The following MAST1 variants were observed in gnomAD, a reference collection of about 807,000 sequenced individuals.
MAST1 encodes microtubule-associated serine/threonine-protein kinase 1.
A neutral mutation model predicts 124.6 loss-of-function variants in MAST1; 40 were observed. The ratio of observed to expected loss-of-function variants is 0.32; its 90% CI spans 0.25 to 0.42. The LOEUF is 0.42. Among genes scored for constraint, MAST1 ranks in the 10% least tolerant of loss-of-function variants. The probability of loss-of-function intolerance (pLI) is 1.00; values close to 1 mark genes in which losing one functional copy is unlikely to be tolerated. For missense variants in MAST1, 1,558 were observed against 2,181.9 expected (o/e 0.71, Z 5.70); for synonymous variants, 938 against 939.4 (o/e 1.00, Z 0.03).
At position 12,847,334 on chromosome 19, in the gene MAST1, G is replaced by A; in HGVS notation, c.372G>A (p.Gln124=). 1 of 1,613,920 alleles carries A rather than the reference G, an allele frequency of 6.2e-7. No homozygotes were observed. Among genetic ancestry groups the A allele is most frequent in the Non-Finnish European group, 8.5e-7 (1 of 1,179,992 alleles). Residue 124 remains glutamine, a synonymous_variant, in exon 5 of 26, where the codon CAG becomes CAA. Coordinates refer to ENST00000251472, the MANE Select transcript of MAST1 (RefSeq NM_014975.3). The surrounding 1 kb of genome is among the most constrained non-coding windows in gnomAD (Gnocchi z 5.5). The part of the protein sequence containing the change: ...SQERLHQLPY[Q]PTVDELHFLS... ...AGCGCCTTCACCAGCTGCCCTACCA[G>A]CCCACGGTGGACGAGCTCCACTTCC...
chr19:12,864,897 G>A lies in MAST1; in HGVS notation c.1455G>A (p.Leu485=). 1.2e-6 allele frequency: 2 copies of A among 1,614,114 alleles called. No individual in the cohort carries two copies. Among genetic ancestry groups the A allele is most frequent in the Non-Finnish European group, 1.7e-6 (2 of 1,180,022 alleles). The change falls in exon 13 of 26, where the codon CTG becomes CTA. Residue 485 remains leucine, a synonymous_variant. Coordinates refer to ENST00000251472, the MANE Select transcript of MAST1 (RefSeq NM_014975.3). ...RMYFAETVLA[L]EYLHNYGIVH... is the part of the protein sequence containing the mutation. ...ACTTTGCTGAGACGGTGCTAGCCCT[G>A]GAGTATTTGCACAACTATGGCATCG...
Position 12,838,808 on chromosome 19 carries a change from T to G in MAST1, c.83+153T>G, listed in dbSNP as rs1599573882. 2.7e-5 allele frequency among the ~76,000 whole-genome samples: 3 copies of G among 111,246 alleles called. No individual in the cohort carries two copies. Among genetic ancestry groups the G allele is most frequent in the East Asian group, 2.7e-4 (1 of 3,654 alleles). The allele number at this position is 111,246 out of a possible 152,430, so 73.0% of individuals were successfully genotyped here. A position where few individuals can be genotyped will look rare whatever the true frequency, so the allele number is the denominator to read the frequency against. On this transcript the variant is annotated intron_variant, in intron 1 of 25. Transcript: ENST00000251472. This position sits in a 1 kb window ranked among gnomAD's most constrained non-coding sequence, Gnocchi z 4.3. ...CCTTCCCGCCGGGGTTGGGGTTGAA[T>G]GGGGGGTGGTGTGGGCCGAGTCTGG...
chr19:12,866,211 T>A lies in MAST1; in HGVS notation c.2029+109T>A. 1 of 1,106,648 alleles carries A rather than the reference T, an allele frequency of 9.0e-7. No individual in the cohort carries two copies. The highest frequency in any genetic ancestry group is 1.5e-5 in the South Asian group (1 of 68,326). The allele number at this position is 1,106,648 out of a possible 1,614,324, so 68.6% of individuals were successfully genotyped here. ...GGCCTGGCTAAGTACCAAGATGTGA[T>A]GCCTAGGTGCGAAGGTGGTATTTTG... On this transcript the variant is annotated intron_variant, in intron 17 of 25. Coordinates refer to ENST00000251472, the MANE Select transcript of MAST1 (RefSeq NM_014975.3). This position sits in a 1 kb window ranked among gnomAD's most constrained non-coding sequence, Gnocchi z 5.2.
intron 12 of MAST1, among the ~76,000 whole-genome samples, chr19:12,863,935 T>C (rs541713007): frequency 6.0e-5 from 9 of 151,138 alleles, no homozygotes; most frequent in African/African-American, 2.2e-4. Flanking sequence ...TTTTTTTTTT[T>C]TTTTTTTGAG....
In MAST1 at chr19:12,847,210, C is replaced by T; in HGVS notation, c.328-80C>T. The T allele has an allele frequency of 1.1e-6, 1 of 914,050 alleles. No individual in the cohort carries two copies. Among genetic ancestry groups the T allele is most frequent in the East Asian group, 2.4e-5 (1 of 41,454 alleles). The allele number at this position is 914,050 out of a possible 1,614,324, so 56.6% of individuals were successfully genotyped here. A position where few individuals can be genotyped will look rare whatever the true frequency, so the allele number is the denominator to read the frequency against. ...TGGCCTTGCCCAGTGACCCCATCGGCTTTGGGAGTCCCAGCTCAGGGTCCT... is the reference window on the plus strand; with the variant it reads ...TGGCCTTGCCCAGTGACCCCATCGGTTTTGGGAGTCCCAGCTCAGGGTCCT... On this transcript the variant is annotated intron_variant, in intron 4 of 25. Transcript: ENST00000251472. The surrounding 1 kb of genome is among the most constrained non-coding windows in gnomAD (Gnocchi z 5.5).
intron 7 of MAST1, among the ~76,000 whole-genome samples, chr19:12,851,374 C>T (rs1969957757): frequency 6.6e-6 from 1 of 151,844 alleles, no homozygotes; most frequent in South Asian, 2.1e-4. Flanking sequence ...AGTAATTCTC[C>T]CACTTCAGCC....
At chr19:12,862,351 G>A (rs919651366) in intron 12 of MAST1, among the ~76,000 whole-genome samples, 2 of 152,042 alleles carry the variant, frequency 1.3e-5, no homozygotes, top group African/African-American at 2.4e-5. Flanking sequence ...GAGTGCAGTG[G>A]TGTGATCACA....
At position 12,867,920 on chromosome 19, in the gene MAST1, G is replaced by A. The variant is rs772432841; in HGVS notation, c.2509G>A (p.Ala837Thr). 6.3e-7 allele frequency: 1 copy of A among 1,598,744 alleles called. No homozygotes were observed. The highest frequency in any genetic ancestry group is 8.5e-7 in the Non-Finnish European group (1 of 1,174,016). Residue 837 changes from alanine to threonine, a missense_variant, in exon 20 of 26, where the codon GCC (alanine) becomes ACC (threonine). Physicochemically the swap from Ala to Thr is moderately conservative, Grantham distance 58. Transcript: ENST00000251472. ...SDPAGSLDARAPKEETQGEGT... is the reference protein window; with the variant it reads ...SDPAGSLDARTPKEETQGEGT... ...CCCCGCGGGATCCCTGGATGCACGG[G>A]CCCCCAAAGAGGAGACTCAAGGGGA...
chr19:12,840,841 G>A, intron 2 of MAST1, 150 bp from the exon 3 acceptor site: 3 of 768,586 alleles, frequency 3.9e-6, no homozygotes, highest in Non-Finnish European at 7.3e-6. Context: ...ACTCGGCAAC[G>A]AAAAAATTTA....
intron 12 of MAST1, among the ~76,000 whole-genome samples, chr19:12,863,910 G>A (rs982482852): frequency 4.7e-5 from 7 of 148,132 alleles, no homozygotes; most frequent in African/African-American, 5.0e-5. Context: ...AATGAAACTC[G>A]TTTCTACAAA....
In MAST1 at chr19:12,865,982, G is replaced by A; in HGVS notation, c.1909G>A (p.Gly637Ser). ...TNPLVRLGAG[G>S]AFEVKQHSFF... ...GGCTGGAATCCCTTCCGTCCCAGGCGGCGCTTTTGAGGTGAAGCAGCACAG... is the reference window on the plus strand; with the variant it reads ...GGCTGGAATCCCTTCCGTCCCAGGCAGCGCTTTTGAGGTGAAGCAGCACAG... The change falls in exon 17 of 26, where the codon GGC becomes AGC. Residue 637 changes from glycine (G) to serine (S), a missense_variant and splice_region_variant. By Grantham distance (56) the Gly-to-Ser change is moderately conservative (BLOSUM62 0). This residue lies in a region of MAST1 where 145 missense variants were observed against 350.0 expected (regional missense o/e 0.41). Transcript: ENST00000251472. This position sits in a 1 kb window ranked among gnomAD's most constrained non-coding sequence, Gnocchi z 7.1. 1.2e-6 allele frequency: 2 copies of A among 1,613,912 alleles called. No individual in the cohort carries two copies. Among genetic ancestry groups the A allele is most frequent in the Non-Finnish European group, 8.5e-7 (1 of 1,179,986 alleles).
At chr19:12,859,570 G>A (rs975943224) in intron 12 of MAST1, among the ~76,000 whole-genome samples, 4 of 151,944 alleles carry the variant, frequency 2.6e-5, no homozygotes, top group Non-Finnish European at 5.9e-5. Context: ...GGAGGCCAAG[G>A]TGGGGAGATC....
At position 12,843,138 on chromosome 19, in the gene MAST1, G is replaced by C. The variant is rs150791367; in HGVS notation, c.249-391G>C. ...CAATATTCTATGTCAGAACATGTTG[G>C]GGGGTGGGACGGGTCTTTTTTCTCT... On this transcript the variant is annotated intron_variant, in intron 3 of 25. Coordinates refer to ENST00000251472, the MANE Select transcript of MAST1 (RefSeq NM_014975.3). The surrounding 1 kb of genome is among the most constrained non-coding windows in gnomAD (Gnocchi z 4.9). Among the ~76,000 whole-genome samples the C allele has an allele frequency of 3.1e-3, 470 of 152,232 alleles. 4 individuals are homozygous for C. The highest frequency in any genetic ancestry group is 0.01 in the African/African-American group (429 of 41,532).
At chr19:12,864,327 G>C (rs944032888) in intron 12 of MAST1, among the ~76,000 whole-genome samples, 3 of 151,362 alleles carry the variant, frequency 2.0e-5, no homozygotes, top group African/African-American at 7.3e-5. Context: ...CTGGGAGGTT[G>C]AGGATGCAGT....
At chr19:12,844,238 A>G (rs988807198) in intron 4 of MAST1, among the ~76,000 whole-genome samples, 12 of 152,178 alleles carry the variant, frequency 7.9e-5, no homozygotes, top group Non-Finnish European at 1.8e-4. Context: ...GGGCCAGGCC[A>G]CAGCTTTCAC....
chr19:12,847,277 C>T lies in MAST1; in HGVS notation c.328-13C>T. On this transcript the variant is annotated splice_polypyrimidine_tract_variant and intron_variant, in intron 4 of 25. Coordinates refer to ENST00000251472, the MANE Select transcript of MAST1 (RefSeq NM_014975.3). This position sits in a 1 kb window ranked among gnomAD's most constrained non-coding sequence, Gnocchi z 5.5. ...CATGGTGGCTCTGACCCCGGCCCTG[C>T]CCCTGTCCCCAGTCCTCCTGCTCCT... is the stretch of plus-strand genomic sequence containing the variant. 1 of 1,600,086 alleles carries T rather than the reference C, an allele frequency of 6.2e-7. No individual in the cohort carries two copies. The highest frequency in any genetic ancestry group is 8.6e-7 in the Non-Finnish European group (1 of 1,169,288).
rs753766566 is a variant in MAST1 at position 12,867,951 on chromosome 19, C to A, written c.2540C>A (p.Thr847Asn). ...AAAGAGGAGACTCAAGGGGAAGGCA[C>A]CTCCAGCGCCGGGGACTCCGAGGCC... is the stretch of plus-strand genomic sequence containing the variant. ...APKEETQGEG[T>N]SSAGDSEATD... is the part of the protein sequence containing the mutation. The change falls in exon 20 of 26, where the codon ACC (threonine) becomes AAC (asparagine). Residue 847 changes from threonine (T) to asparagine (N), a missense_variant. Transcript: ENST00000251472. 2.6e-6 allele frequency: 4 copies of A among 1,564,742 alleles called. No homozygotes were observed. The African/African-American group carries it at 4.1e-5, about 16-fold the overall frequency.
In MAST1 at chr19:12,866,127, C is replaced by T. The variant is rs1970150276; in HGVS notation, c.2029+25C>T. 6.2e-7 allele frequency: 1 copy of T among 1,613,156 alleles called. No homozygotes were observed. Reference sequence around the variant, plus strand: ...AGTGAGCTGGGACACCAGGCACGACCTGGGTCGAGGGGTGGGATCCGGGAA... The same window carrying T: ...AGTGAGCTGGGACACCAGGCACGACTTGGGTCGAGGGGTGGGATCCGGGAA... On this transcript the variant is annotated intron_variant, in intron 17 of 25. Transcript: ENST00000251472. This position sits in a 1 kb window ranked among gnomAD's most constrained non-coding sequence, Gnocchi z 5.2.
chr19:12,840,863 C>A (rs957162835), intron 2 of MAST1, 128 bp from the exon 3 acceptor site: 18 of 738,132 alleles, frequency 2.4e-5, no homozygotes, highest in Middle Eastern at 3.1e-4. Context: ...AGAGGCGGGG[C>A]CACAGGCGAA....
Sources: gnomAD v4.1 joint callset for allele counts (sites outside exome capture counted in the v4.1 genomes callset) on GRCh38, gnomAD v4.1.1 for gene constraint, gnomAD v4.1.1 regional missense constraint, Gnocchi (gnomAD v3.1) non-coding constraint, MANE v1.5 for transcripts, NCBI Gene and HGNC (gene_info 2026-07-23, HGNC 2026-07-21) for gene names.